JAK3: variants seen among roughly 807,000 people sequenced by gnomAD.
JAK3 encodes the protein tyrosine-protein kinase JAK3.
In JAK3, 88 loss-of-function variants were observed where a neutral mutation model predicts 120.8. The ratio of observed to expected loss-of-function variants is 0.73; its 90% CI spans 0.61 to 0.87. JAK3 has a LOEUF of 0.87. Ranked by LOEUF, JAK3 falls within the 40% of genes least tolerant of loss-of-function variation. The probability of loss-of-function intolerance (pLI) is 0.00; values close to 1 mark genes in which losing one functional copy is unlikely to be tolerated. For synonymous variants in JAK3, 592 were observed against 628.6 expected, an observed-to-expected ratio of 0.94 and a Z score of 0.87; for missense variants, 1,254 against 1,501.4, an observed-to-expected ratio of 0.84 and a Z score of 2.72.
chr19:17,838,240 C>T (rs2072059357), intron 11 of JAK3, 23 bp downstream of exon 11: 3 of 1,613,828 alleles, frequency 1.9e-6, no homozygotes, highest in South Asian at 2.2e-5. Flanking sequence ...TGAGGTATCG[C>T]CTCATTTCCC....
chr19:17,829,230 T>C (rs1299437336), intron 23 of JAK3, among the ~76,000 whole-genome samples: 1 of 152,144 alleles, frequency 6.6e-6, no homozygotes, highest in Non-Finnish European at 1.5e-5. Context: ...AGTGGCATGA[T>C]CTTGGCTCAC....
rs1267475734 is a variant in JAK3 at position 17,830,557 on chromosome 19, C to T, written c.3042G>A (p.Gly1014=). 6.2e-7 allele frequency: 1 copy of T among 1,613,488 alleles called. No individual in the cohort carries two copies. Among genetic ancestry groups the T allele is most frequent in the Non-Finnish European group, 8.5e-7 (1 of 1,179,874 alleles). The change falls in exon 22 of 24, where the codon GGG becomes GGA. Residue 1014 remains glycine (G), a synonymous_variant. Transcript: ENST00000458235. ...FSRQSDVWSF[G]VVLYELFTYC... ...AGGTGAAGAGCTCGTACAGGACGACCCCGAAGCTCCAGACGTCTGACTGGC... is the reference window on the plus strand; with the variant it reads ...AGGTGAAGAGCTCGTACAGGACGACTCCGAAGCTCCAGACGTCTGACTGGC...
Position 17,843,913 on chromosome 19 carries a change from G to A in JAK3, c.185-13C>T, listed in dbSNP as rs766194683. 2.5e-6 allele frequency: 4 copies of A among 1,613,300 alleles called. No individual in the cohort carries two copies. The African/African-American group carries it at 4.0e-5, about 16-fold the overall frequency. ...ACAGGCAGGATGCCTACAGGGGATGGTCCCATCAGCTCCCTCCTGAGTCAC... is the reference window on the plus strand; with the variant it reads ...ACAGGCAGGATGCCTACAGGGGATGATCCCATCAGCTCCCTCCTGAGTCAC... On this transcript the variant is annotated splice_polypyrimidine_tract_variant and intron_variant, in intron 2 of 23. Transcript: ENST00000458235. This position sits in a 1 kb window ranked among gnomAD's most constrained non-coding sequence, Gnocchi z 5.4.
rs2094220454 is a variant in JAK3, at chr19:17,834,603, A to T, written c.2318T>A (p.Val773Asp). ...EPVQRPSFRA[V>D]IRDLNSLISS... The stretch of plus-strand genomic sequence containing the variant: ...GATGAGGCTATTGAGGTCACGAATG[A>T]CGGCTCGGAAGGAGGGCCTCTGGAC... The change falls in exon 17 of 24, where the codon GTC becomes GAC. Residue 773 changes from valine to aspartate, a missense_variant. This residue lies in a region of JAK3 where 630 missense variants were observed against 819.8 expected (regional missense o/e 0.77). Coordinates refer to ENST00000458235, the MANE Select transcript of JAK3 (RefSeq NM_000215.4). 6.2e-7 allele frequency: 1 copy of T among 1,611,780 alleles called. No individual in the cohort carries two copies. The highest frequency in any genetic ancestry group is 8.5e-7 in the Non-Finnish European group (1 of 1,178,796).
Position 17,838,265 on chromosome 19 carries a change from A to C in JAK3, c.1567T>G (p.Trp523Gly), listed in dbSNP as rs199635089. 31 of 1,613,732 alleles carry C rather than the reference A, an allele frequency of 1.9e-5. No individual in the cohort carries two copies. The highest frequency in any genetic ancestry group is 2.0e-5 in the Non-Finnish European group (24 of 1,179,996). Residue 523 changes from tryptophan (W) to glycine (G), a missense_variant and splice_region_variant, in exon 11 of 24, where the codon TGG becomes GGG. Physicochemically the swap from Trp to Gly is radical, Grantham distance 184. Coordinates refer to ENST00000458235, the MANE Select transcript of JAK3 (RefSeq NM_000215.4). ...FHKIPADSLE[W>G]HENLGHGSFT... ...CCTCATTTCCCAGGGCCTCTTACCCACTCCAGGCTGTCAGCAGGGATCTTG... is the reference window on the plus strand; with the variant it reads ...CCTCATTTCCCAGGGCCTCTTACCCCCTCCAGGCTGTCAGCAGGGATCTTG...
intron 23 of JAK3, among the ~76,000 whole-genome samples, chr19:17,827,898 G>A (rs901662641): frequency 8.8e-6 from 1 of 113,632 alleles, no homozygotes; most frequent in African/African-American, 3.5e-5. Context: ...GCAAAACCAC[G>A]TCTCAAAAAA....
rs1302105359 is a variant in JAK3, at chr19:17,831,206, A to G, written c.2978+22T>C. ...CCAGAGCCGTGGGGAATAGGGGCGG[A>G]GCCTAGGCGCGGGTTCCCCACCAGA... On this transcript the variant is annotated intron_variant, in intron 21 of 23. Coordinates refer to ENST00000458235, the MANE Select transcript of JAK3 (RefSeq NM_000215.4). The surrounding 1 kb of genome is among the most constrained non-coding windows in gnomAD (Gnocchi z 5.1). 6.2e-7 allele frequency: 1 copy of G among 1,608,500 alleles called. No homozygotes were observed. Among genetic ancestry groups the G allele is most frequent in the Non-Finnish European group, 8.5e-7 (1 of 1,178,536 alleles).
intron 1 of JAK3, among the ~76,000 whole-genome samples, chr19:17,846,643 C>T (rs889794308): frequency 1.3e-5 from 2 of 151,680 alleles, no homozygotes; most frequent in Non-Finnish European, 1.5e-5. Flanking sequence ...GGAGTGCAGT[C>T]GCACGATCTT....
chr19:17,842,546 T>C lies in JAK3; in HGVS notation c.631A>G (p.Arg211Gly), dbSNP rs56269787. ...LIQGLSFVTR[R>G]RIRRTVRRAL... ...CTGCGCACCGTCCTCCGAATACGCCTCCGCGTCACGAAGCTCAGGCCCTGG... is the reference window on the plus strand; with the variant it reads ...CTGCGCACCGTCCTCCGAATACGCCCCCGCGTCACGAAGCTCAGGCCCTGG... Residue 211 changes from arginine (R) to glycine (G), a missense_variant, in exon 6 of 24, where the codon AGG becomes GGG. Arg to Gly is a moderately radical substitution (Grantham distance 125, BLOSUM62 -2). Around this residue, in one of 3 missense-constraint regions of JAK3, gnomAD observed 486 missense variants for 503.0 expected, o/e 0.97. Transcript: ENST00000458235. This position sits in a 1 kb window ranked among gnomAD's most constrained non-coding sequence, Gnocchi z 6.4. The C allele has an allele frequency of 2.3e-5, 37 of 1,587,750 alleles. No individual in the cohort carries two copies. The South Asian group carries it at 3.2e-4, about 14-fold the overall frequency.
chr19:17,833,461 T>C (rs2094218029), intron 17 of JAK3, among the ~76,000 whole-genome samples: 1 of 149,326 alleles, frequency 6.7e-6, no homozygotes, highest in Non-Finnish European at 1.5e-5. Flanking sequence ...TAATCCCAGC[T>C]ATTTGGGAGA....
chr19:17,826,933 T>C lies in JAK3; in HGVS notation c.3208-23A>G, dbSNP rs200553316. On this transcript the variant is annotated intron_variant, in intron 23 of 23. Coordinates refer to ENST00000458235, the MANE Select transcript of JAK3 (RefSeq NM_000215.4). ...AACCTGAGGGGCGGGGGACAGATAA[T>C]GGGGTCGTGCCTGAGCAGTCCAAAG... 1.1e-5 allele frequency: 17 copies of C among 1,602,730 alleles called. No individual in the cohort carries two copies. The East Asian group carries it at 2.0e-4, about 19-fold the overall frequency.
intron 22 of JAK3, 50 bp from the exon 23 acceptor site, chr19:17,830,268 G>GCCCCTCCCCCTCCACCC: frequency 7.2e-7 from 1 of 1,397,876 alleles, no homozygotes; most frequent in Non-Finnish European, 9.9e-7. Context: ...TCCGTGGGTG[G>GCCCCTCCCCCTCCACCC]AGGGGGAGGG....
intron 8 of JAK3, 29 bp from the exon 9 acceptor site, chr19:17,840,370 A>T (rs2094235252): frequency 7.0e-7 from 1 of 1,435,772 alleles, no homozygotes; most frequent in Non-Finnish European, 9.8e-7. Context: ...GGGAATGGGG[A>T]GGAGTCAGAG....
chr19:17,824,842 G>A lies in JAK3; in HGVS notation c.*1901C>T, dbSNP rs919377534. 1.4e-5 allele frequency: 3 copies of A among 207,210 alleles called. No individual in the cohort carries two copies. Among genetic ancestry groups the A allele is most frequent in the Non-Finnish European group, 3.0e-5 (3 of 101,630 alleles). The allele number at this position is 207,210 out of a possible 1,614,324, so 12.8% of individuals were successfully genotyped here. ...TTTCCAGAGCCCCCTCTGTACTGAGGCCTCAGCCCAGCCCCCAAGGAACCC... is the reference window on the plus strand; with the variant it reads ...TTTCCAGAGCCCCCTCTGTACTGAGACCTCAGCCCAGCCCCCAAGGAACCC... On this transcript the variant is annotated 3_prime_UTR_variant, in exon 24 of 24. Coordinates refer to ENST00000458235, the MANE Select transcript of JAK3 (RefSeq NM_000215.4).
rs3212735 is a variant in JAK3, at chr19:17,841,182, G to T, written c.1142+207C>A. On this transcript the variant is annotated intron_variant, in intron 8 of 23. Transcript: ENST00000458235. This position sits in a 1 kb window ranked among gnomAD's most constrained non-coding sequence, Gnocchi z 4.1. ...GCGACTTGTCCATCTCCAGGAAATGGCCCTGGGGTCAGAGAGAGAGAGAGT... is the reference window on the plus strand; with the variant it reads ...GCGACTTGTCCATCTCCAGGAAATGTCCCTGGGGTCAGAGAGAGAGAGAGT... Among the ~76,000 whole-genome samples the T allele has an allele frequency of 0.017, 2,539 of 152,238 alleles. 70 individuals are homozygous for T. The highest frequency in any genetic ancestry group is 0.058 in the African/African-American group (2,408 of 41,530).
intron 1 of JAK3, 138 bp downstream of exon 1, chr19:17,847,808 C>T (rs7250423): frequency 0.17 from 40,902 of 239,806 alleles, 7,794 homozygotes; most frequent in African/African-American, 0.56. Flanking sequence ...CTCACGTCTG[C>T]CTCGCAGCTT....
intron 21 of JAK3, 47 bp from the exon 22 acceptor site, chr19:17,830,667 G>C (rs2094212304): frequency 2.0e-6 from 3 of 1,466,720 alleles, no homozygotes; most frequent in Non-Finnish European, 2.9e-6. Flanking sequence ...AGAAAGGACA[G>C]GAAGAGGGGG....
In JAK3 at chr19:17,842,728, G is replaced by T; in HGVS notation, c.567-118C>A. ...GGGTGCGGCCCTAGTTGGGGCACCA[G>T]GCACACACAGACTCTCATTCAGGGT... On this transcript the variant is annotated intron_variant, in intron 5 of 23. Transcript: ENST00000458235. This position sits in a 1 kb window ranked among gnomAD's most constrained non-coding sequence, Gnocchi z 6.4. 1 of 1,077,880 alleles carries T rather than the reference G, an allele frequency of 9.3e-7. No homozygotes were observed. Among genetic ancestry groups the T allele is most frequent in the Non-Finnish European group, 1.3e-6 (1 of 764,724 alleles). The allele number at this position is 1,077,880 out of a possible 1,614,324, so 66.8% of individuals were successfully genotyped here.
intron 9 of JAK3, 78 bp downstream of exon 9, chr19:17,840,152 G>T: frequency 1.0e-6 from 1 of 970,564 alleles, no homozygotes; most frequent in South Asian, 1.4e-5. Context: ...ACCAAATGCT[G>T]ACTGATCTTT....
Sources: allele counts gnomAD v4.1 joint callset (sites outside exome capture counted in the v4.1 genomes callset), GRCh38; gene constraint gnomAD v4.1.1; regional missense constraint gnomAD v4.1.1; non-coding constraint Gnocchi (gnomAD v3.1); transcripts MANE v1.5; gene names NCBI Gene and HGNC (gene_info 2026-07-23, HGNC 2026-07-21).